Variants in HMSD observed in about 807,000 individuals in gnomAD.
HMSD encodes the protein serpin-like protein HMSD.
In HMSD, 13 loss-of-function variants were observed where a neutral mutation model predicts 10.0. The observed-to-expected ratio is 1.31, with a 90% confidence interval of 0.85 to 2.08. The LOEUF (loss-of-function observed/expected upper bound fraction) is 2.08. Among genes scored for constraint, HMSD ranks in the 30% most tolerant of loss-of-function variants. The pLI is 0.00. For missense variants in HMSD, 169 were observed against 166.3 expected, an observed-to-expected ratio of 1.02 and a Z score of -0.09; for synonymous variants, 51 against 54.2, an observed-to-expected ratio of 0.94 and a Z score of 0.26.
At chr18:63,968,809 T>A (rs72943600) in intron 3 of HMSD, 9,052 of 152,266 alleles carry the variant, frequency 0.059, 340 homozygotes, top group African/African-American at 0.089. Flanking sequence ...ACAGTTCAAA[T>A]GTGAGTCTGT....
intron 3 of HMSD, chr18:63,969,532 C>G (rs2050431683): frequency 6.6e-6 from 1 of 152,184 alleles, no homozygotes; most frequent in Non-Finnish European, 1.5e-5. Flanking sequence ...CAGTAGTACA[C>G]AGGTAACATC....
chr18:63,967,062 G>A (rs1246998424), intron 3 of HMSD, among the ~76,000 whole-genome samples: 1 of 152,142 alleles, frequency 6.6e-6, no homozygotes, highest in Non-Finnish European at 1.5e-5. Flanking sequence ...GCTGTGGCCG[G>A]GCATATATGA....
At chr18:63,962,984 C>T (rs79317748), downstream of HMSD, among the ~76,000 whole-genome samples, 6,602 of 152,092 alleles carry the variant, frequency 0.043, 188 homozygotes, top group Non-Finnish European at 0.063. Flanking sequence ...TATCTAGTGG[C>T]TGTTGGGGAA....
chr18:63,952,146 G>T (rs1006859173), intron 1 of HMSD, among the ~76,000 whole-genome samples: 1 of 122,450 alleles, frequency 8.2e-6, no homozygotes, highest in East Asian at 3.0e-4. Context: ...TGGTGGGGTG[G>T]GGGGAGGGGG....
intron 3 of HMSD, 33 bp downstream of exon 3, chr18:63,954,590 A>G (rs760913523): frequency 6.3e-7 from 1 of 1,583,876 alleles, no homozygotes; most frequent in Non-Finnish European, 8.6e-7. Flanking sequence ...GAAAATAAAG[A>G]TAGCAATGTG....
At position 63,953,360 on chromosome 18, in the gene HMSD, C is replaced by G; in HGVS notation, c.-96C>G. 2 of 834,676 alleles carry G rather than the reference C, an allele frequency of 2.4e-6. No individual in the cohort carries two copies. Among genetic ancestry groups the G allele is most frequent in the Non-Finnish European group, 4.0e-6 (2 of 496,196 alleles). 51.7% of individuals were successfully genotyped at this position (834,676 alleles called of 1,614,324 possible). A position where few individuals can be genotyped will look rare whatever the true frequency, so the allele number is the denominator to read the frequency against. On this transcript the variant is annotated 5_prime_UTR_variant, in exon 2 of 4. Transcript: ENST00000408945. Reference sequence around the variant, plus strand: ...TAAAAATCCATTGTTTCAGGCTCACCGTCATGGATGCTCTATCAGAAGCAA... The same window carrying G: ...TAAAAATCCATTGTTTCAGGCTCACGGTCATGGATGCTCTATCAGAAGCAA...
intron 1 of HMSD, among the ~76,000 whole-genome samples, chr18:63,950,415 CAAAAAAAA>C (rs562421091): frequency 1.5e-3 from 60 of 39,066 alleles, no homozygotes; most frequent in African/African-American, 3.3e-3. Flanking sequence ...GACTCTCTCT[CAAAAAAAA>C]AAAAAAAAAA....
rs536149025 is a variant in HMSD at position 63,967,295 on chromosome 18, G to A, written n.312+7020G>A. ...GTTACAGGCACCTGCCACCACGCCT[G>A]GCTCATTTTTGTATTTTTAGCAGAG... On this transcript the variant is annotated intron_variant and non_coding_transcript_variant, in intron 3 of 5. Transcript: ENST00000481726. Among the ~76,000 whole-genome samples the A allele has an allele frequency of 1.6e-4, 25 of 152,200 alleles. 1 individual carries two copies. In the South Asian group the frequency reaches 4.8e-3, roughly 29 times the overall value.
downstream of HMSD, among the ~76,000 whole-genome samples, chr18:63,963,124 TCTTTCTTTC>T (rs2050396019): frequency 4.6e-5 from 6 of 129,042 alleles, no homozygotes; most frequent in Admixed American, 2.3e-4. Context: ...TTTCTTTCTT[TCTTTCTTTC>T]CTTTCTTTCT....
downstream of HMSD, among the ~76,000 whole-genome samples, chr18:63,962,636 C>G (rs2050391353): frequency 6.6e-6 from 1 of 152,198 alleles, no homozygotes; most frequent in Non-Finnish European, 1.5e-5. Flanking sequence ...GCCTTCACTC[C>G]TCCTATGCTT....
downstream of HMSD, among the ~76,000 whole-genome samples, chr18:63,964,172 C>A (rs2050401254): frequency 6.6e-6 from 1 of 152,186 alleles, no homozygotes. Context: ...TCAAAGAGCT[C>A]TGAATATCAG....
chr18:63,951,635 G>A (rs1385941854), intron 1 of HMSD, among the ~76,000 whole-genome samples: 3 of 152,246 alleles, frequency 2.0e-5, no homozygotes, highest in East Asian at 3.9e-4. Flanking sequence ...AGGAAAAACA[G>A]ACGTGTAAAA....
Position 63,961,176 on chromosome 18 carries a change from T to G in HMSD, c.*821T>G, listed in dbSNP as rs531903130. The G allele has an allele frequency of 6.8e-6, 1 of 147,172 alleles. No individual in the cohort carries two copies. Among genetic ancestry groups the G allele is most frequent in the African/African-American group, 2.6e-5 (1 of 38,318 alleles). 9.1% of individuals were successfully genotyped at this position (147,172 alleles called of 1,614,324 possible). ...AGTGGGGAGTGTAAATGGAGTAACC[T>G]CTAAGTATCCAAGCAGGAGGGTGTT... On this transcript the variant is annotated 3_prime_UTR_variant, in exon 4 of 4. Transcript: ENST00000408945.
chr18:63,957,316 A>T (rs1004677324), intron 3 of HMSD, among the ~76,000 whole-genome samples: 1 of 152,316 alleles, frequency 6.6e-6, no homozygotes, highest in South Asian at 2.1e-4. Flanking sequence ...ACAAAAAAAA[A>T]AAATAAAAAC....
In HMSD at chr18:63,960,510, T is replaced by C; in HGVS notation, c.*155T>C. 1 of 1,181,054 alleles carries C rather than the reference T, an allele frequency of 8.5e-7. No homozygotes were observed. The highest frequency in any genetic ancestry group is 3.1e-4 in the Middle Eastern group (1 of 3,196). 73.2% of individuals were successfully genotyped at this position (1,181,054 alleles called of 1,614,324 possible). On this transcript the variant is annotated 3_prime_UTR_variant, in exon 4 of 4. Coordinates refer to ENST00000408945, the MANE Select transcript of HMSD (RefSeq NM_001123366.2). ...TGAAATAATCTCTTCCAGGTTTTTTTGCTTGTTAATATTAGGTAGTTTTTC... is the reference window on the plus strand; with the variant it reads ...TGAAATAATCTCTTCCAGGTTTTTTCGCTTGTTAATATTAGGTAGTTTTTC...
At position 63,960,660 on chromosome 18, in the gene HMSD, C is replaced by T. The variant is rs1331791748; in HGVS notation, c.*305C>T. On this transcript the variant is annotated 3_prime_UTR_variant, in exon 4 of 4. Coordinates refer to ENST00000408945, the MANE Select transcript of HMSD (RefSeq NM_001123366.2). Reference sequence around the variant, plus strand: ...CTGTGATCAGTGATAAGGGAACACACTGATGATTTAGATTGAACAGGGAGA... The same window carrying T: ...CTGTGATCAGTGATAAGGGAACACATTGATGATTTAGATTGAACAGGGAGA... 4 of 264,888 alleles carry T rather than the reference C, an allele frequency of 1.5e-5. No homozygotes were observed. The highest frequency in any genetic ancestry group is 2.9e-5 in the Non-Finnish European group (4 of 139,712). 16.4% of individuals were successfully genotyped at this position (264,888 alleles called of 1,614,324 possible).
Position 63,960,454 on chromosome 18 carries a change from C to G in HMSD, c.*99C>G. On this transcript the variant is annotated 3_prime_UTR_variant, in exon 4 of 4. Transcript: ENST00000408945. ...ACCTTTTCTCTAGCTTTAGCTTTTC[C>G]CTTATCAAGTATCTGTGATGTCTCT... The G allele has an allele frequency of 1.4e-6, 2 of 1,450,060 alleles. No individual in the cohort carries two copies. The highest frequency in any genetic ancestry group is 2.6e-5 in the East Asian group (1 of 39,060). 89.8% of individuals were successfully genotyped at this position (1,450,060 alleles called of 1,614,324 possible).
downstream of HMSD, among the ~76,000 whole-genome samples, chr18:63,962,355 T>C (rs1316062953): frequency 6.6e-6 from 1 of 152,210 alleles, no homozygotes; most frequent in Non-Finnish European, 1.5e-5. Context: ...AACTTACCTA[T>C]ATCAGCTCCT....
chr18:63,950,709 A>C, intron 1 of HMSD, among the ~76,000 whole-genome samples: 1 of 68,068 alleles, frequency 1.5e-5, no homozygotes, highest in Admixed American at 1.6e-4. Context: ...GGCATTTGGC[A>C]AAAAAAAGAA....
Sources: allele counts gnomAD v4.1 joint callset (sites outside exome capture counted in the v4.1 genomes callset), GRCh38; gene constraint gnomAD v4.1.1; transcripts MANE v1.5; gene names NCBI Gene and HGNC (gene_info 2026-07-23, HGNC 2026-07-21).